The following RBMS3 variants were observed in gnomAD, a reference collection of about 807,000 sequenced individuals.
RBMS3 encodes RNA binding motif single stranded interacting protein 3.
In RBMS3, 27 loss-of-function variants were observed where a neutral mutation model predicts 66.8. The observed-to-expected ratio is 0.40, with a 90% CI of 0.30 to 0.56. The LOEUF (loss-of-function observed/expected upper bound fraction) is 0.56. Ranked by LOEUF, RBMS3 falls within the 20% of genes least tolerant of loss-of-function variation. The probability of loss-of-function intolerance (pLI) is 0.40; values close to 1 mark genes in which losing one functional copy is unlikely to be tolerated. For synonymous variants in RBMS3, 188 were observed against 183.0 expected (o/e 1.03, Z -0.22); for missense variants, 513 against 549.5 (o/e 0.93, Z 0.66).
chr3:29,591,668 G>C (rs2047743656), intron 4 of RBMS3, among the ~76,000 whole-genome samples: 1 of 152,106 alleles, frequency 6.6e-6, no homozygotes, highest in African/African-American at 2.4e-5. Context: ...CACTAGAATG[G>C]GTCTACATAT....
At chr3:29,438,432 G>T (rs753307263) in intron 2 of RBMS3, among the ~76,000 whole-genome samples, 22 of 152,054 alleles carry the variant, frequency 1.4e-4, no homozygotes, top group Non-Finnish European at 2.5e-4. Context: ...TGAACGGTAA[G>T]AAAATTGTAT....
chr3:29,542,850 A>G lies in RBMS3; in HGVS notation c.308-44264A>G, dbSNP rs575850234. ...AAGACTAGCCTCTTGCTTTTTGTAA[A>G]AAGATCAGAGAATCTCTTAAGTAAC... On this transcript the variant is annotated intron_variant, in intron 3 of 14. Coordinates refer to ENST00000383767, the MANE Select transcript of RBMS3 (RefSeq NM_001003793.3). Among the ~76,000 whole-genome samples the G allele has an allele frequency of 3.3e-5, 5 of 152,352 alleles. No individual in the cohort carries two copies. In the East Asian group the frequency reaches 9.6e-4, roughly 29 times the overall value.
Position 29,993,645 on chromosome 3 carries a change from G to C in RBMS3, c.1307+2436G>C, listed in dbSNP as rs115029416. ...CATGAATGAAGAAGAAGGAACTCCT[G>C]TTACTTGACTGCTAGAGCTAGGACA... On this transcript the variant is annotated intron_variant, in intron 14 of 14. Coordinates refer to ENST00000383767, the MANE Select transcript of RBMS3 (RefSeq NM_001003793.3). Among the ~76,000 whole-genome samples the C allele has an allele frequency of 5.4e-3, 828 of 152,240 alleles. 6 individuals are homozygous for C. Among genetic ancestry groups the C allele is most frequent in the African/African-American group, 0.019 (788 of 41,540 alleles).
intron 4 of RBMS3, among the ~76,000 whole-genome samples, chr3:29,731,347 T>C (rs983904934): frequency 1.3e-5 from 2 of 152,252 alleles, no homozygotes; most frequent in Non-Finnish European, 2.9e-5. Context: ...GAAATTGTTC[T>C]TATTTTTGTT....
At chr3:29,304,551 C>A (rs2033888719) in intron 1 of RBMS3, among the ~76,000 whole-genome samples, 1 of 151,944 alleles carries the variant, frequency 6.6e-6, no homozygotes, top group Non-Finnish European at 1.5e-5. Flanking sequence ...GTTTTAATCT[C>A]ACCACATAGA....
chr3:29,822,035 A>C (rs1329570908), intron 6 of RBMS3, among the ~76,000 whole-genome samples: 1 of 152,208 alleles, frequency 6.6e-6, no homozygotes, highest in Non-Finnish European at 1.5e-5. Flanking sequence ...TCATTACTTC[A>C]AACTCAAATA....
chr3:29,918,307 C>A (rs1377968432), intron 10 of RBMS3, among the ~76,000 whole-genome samples: 1 of 152,034 alleles, frequency 6.6e-6, no homozygotes, highest in Non-Finnish European at 1.5e-5. Context: ...ATCACATTAG[C>A]ATATGAAGTA....
chr3:29,281,845 C>A, intron 1 of RBMS3, 89 bp downstream of exon 1: 1 of 1,055,300 alleles, frequency 9.5e-7, no homozygotes, highest in Non-Finnish European at 1.4e-6. Flanking sequence ...TATTAGTTAA[C>A]CCCCACCCCC....
At chr3:29,924,174 T>G (rs911142258) in intron 10 of RBMS3, among the ~76,000 whole-genome samples, 1 of 152,144 alleles carries the variant, frequency 6.6e-6, no homozygotes, top group East Asian at 1.9e-4. Context: ...GGTAAGGAAA[T>G]GGTTGCCATT....
At chr3:29,947,424 T>C (rs946320304) in intron 12 of RBMS3, among the ~76,000 whole-genome samples, 3 of 151,736 alleles carry the variant, frequency 2.0e-5, no homozygotes, top group African/African-American at 7.2e-5. Flanking sequence ...TGAATATGTC[T>C]TAAAAATAAT....
chr3:29,876,478 C>T (rs972151804), intron 7 of RBMS3, among the ~76,000 whole-genome samples: 20 of 152,046 alleles, frequency 1.3e-4, no homozygotes, highest in Non-Finnish European at 2.8e-4. Context: ...ATTTAGCTAA[C>T]ATTTATAGAG....
At chr3:29,652,421 A>G (rs1285878669) in intron 4 of RBMS3, among the ~76,000 whole-genome samples, 1 of 152,148 alleles carries the variant, frequency 6.6e-6, no homozygotes, top group Non-Finnish European at 1.5e-5. Context: ...AACACTGAAT[A>G]TTAGATAAGA....
intron 2 of RBMS3, among the ~76,000 whole-genome samples, chr3:29,453,430 T>C (rs1297987797): frequency 6.6e-6 from 1 of 152,170 alleles, no homozygotes; most frequent in East Asian, 1.9e-4. Context: ...CCAAGATTAC[T>C]ATTTGGCGAC....
intron 12 of RBMS3, among the ~76,000 whole-genome samples, chr3:29,966,183 C>T (rs942953580): frequency 3.9e-5 from 6 of 151,926 alleles, no homozygotes; most frequent in African/African-American, 1.2e-4. Flanking sequence ...GTTATTTTTG[C>T]TTTGGCTATA....
rs1699924513 is a variant in RBMS3 at position 30,010,195 on chromosome 3, T to C, written c.*6333T>C. On this transcript the variant is annotated 3_prime_UTR_variant, in exon 15 of 15. Transcript: ENST00000383767. ...ATTTAAGAGCATTTTTGTACTGCTG[T>C]CTCTGACTGTCATGGAAAGTTCTGT... The C allele has an allele frequency of 6.6e-6, 1 of 152,186 alleles. No homozygotes were observed. The highest frequency in any genetic ancestry group is 2.1e-4 in the South Asian group (1 of 4,834). 9.4% of individuals were successfully genotyped at this position (152,186 alleles called of 1,614,324 possible). A position where few individuals can be genotyped will look rare whatever the true frequency, so the allele number is the denominator to read the frequency against.
chr3:29,482,997 C>T (rs1209539114), intron 2 of RBMS3, among the ~76,000 whole-genome samples: 1 of 151,674 alleles, frequency 6.6e-6, no homozygotes, highest in East Asian at 1.9e-4. Flanking sequence ...TGAGCCGCCG[C>T]CCCCAGCCTA....
chr3:29,908,040 G>T (rs550230937), intron 10 of RBMS3, among the ~76,000 whole-genome samples: 1 of 151,976 alleles, frequency 6.6e-6, no homozygotes, highest in South Asian at 2.1e-4. Flanking sequence ...TTGAACTCGG[G>T]AGTTTGAGAC....
intron 6 of RBMS3, among the ~76,000 whole-genome samples, chr3:29,828,374 G>C (rs1319700417): frequency 6.6e-6 from 1 of 151,940 alleles, no homozygotes; most frequent in East Asian, 1.9e-4. Flanking sequence ...GACAATATTT[G>C]TTCAGATCAC....
chr3:29,355,596 A>G (rs183816110), intron 1 of RBMS3, among the ~76,000 whole-genome samples: 2 of 152,180 alleles, frequency 1.3e-5, no homozygotes, highest in East Asian at 3.9e-4. Flanking sequence ...TACCTGTTTA[A>G]TTGGGAAATA....
Sources: gnomAD v4.1 joint callset for allele counts (sites outside exome capture counted in the v4.1 genomes callset) on GRCh38, gnomAD v4.1.1 for gene constraint, MANE v1.5 for transcripts, NCBI Gene and HGNC (gene_info 2026-07-23, HGNC 2026-07-21) for gene names.